Variants in PAK5 observed in about 807,000 individuals in gnomAD.
PAK5 encodes serine/threonine-protein kinase PAK 5.
Under a neutral mutation model 65.9 loss-of-function variants are expected in PAK5, and 16 were observed. The observed-to-expected ratio is 0.24, with a 90% CI of 0.16 to 0.37. The LOEUF is 0.37. Among genes scored for constraint, PAK5 ranks in the 10% least tolerant of loss-of-function variants. PAK5 has a pLI of 1.00. For missense variants in PAK5, 785 were observed against 903.9 expected, an observed-to-expected ratio of 0.87 and a Z score of 1.69; for synonymous variants, 371 against 354.9, an observed-to-expected ratio of 1.05 and a Z score of -0.51.
chr20:9,537,623 C>T lies in PAK5; in HGVS notation c.*1839G>A, dbSNP rs2045191759. Reference sequence around the variant, plus strand: ...TTTATTCTGGTTTAAAAAAGATTTTCTTTTTCTTTTCTTTCTACTTCTACA... The same window carrying T: ...TTTATTCTGGTTTAAAAAAGATTTTTTTTTTCTTTTCTTTCTACTTCTACA... On this transcript the variant is annotated 3_prime_UTR_variant, in exon 10 of 10. Transcript: ENST00000353224. The T allele has an allele frequency of 4.6e-6, 1 of 215,996 alleles. No individual in the cohort carries two copies. Among genetic ancestry groups the T allele is most frequent in the Admixed American group, 5.8e-5 (1 of 17,180 alleles). 13.4% of individuals were successfully genotyped at this position (215,996 alleles called of 1,614,324 possible).
At chr20:9,771,541 G>A (rs1007840688) in intron 1 of PAK5, among the ~76,000 whole-genome samples, 2 of 150,478 alleles carry the variant, frequency 1.3e-5, no homozygotes, top group East Asian at 4.0e-4. Context: ...CCAAGGAGCT[G>A]GGACTACAGG....
chr20:9,585,092 T>C (rs947719750), intron 3 of PAK5, among the ~76,000 whole-genome samples: 1 of 152,206 alleles, frequency 6.6e-6, no homozygotes, highest in Non-Finnish European at 1.5e-5. Context: ...TATATTAGAT[T>C]TTTTTCATAT....
chr20:9,572,893 G>T (rs1017935651), intron 4 of PAK5, among the ~76,000 whole-genome samples: 1 of 152,130 alleles, frequency 6.6e-6, no homozygotes, highest in Non-Finnish European at 1.5e-5. Flanking sequence ...TTTTCAGGGG[G>T]ATTTCCATAT....
intron 1 of PAK5, among the ~76,000 whole-genome samples, chr20:9,823,551 T>C (rs2049448408): frequency 6.6e-6 from 1 of 152,224 alleles, no homozygotes; most frequent in Non-Finnish European, 1.5e-5. Context: ...ACAATTAATC[T>C]TGCCTTCCGC....
At chr20:9,832,774 TAAC>T (rs1466412416) in intron 1 of PAK5, among the ~76,000 whole-genome samples, 1 of 152,242 alleles carries the variant, frequency 6.6e-6, no homozygotes, top group Non-Finnish European at 1.5e-5. Context: ...TTAATAGTAA[TAAC>T]ATTTATTAAA....
intron 3 of PAK5, among the ~76,000 whole-genome samples, chr20:9,595,734 A>G (rs1388539177): frequency 6.6e-5 from 10 of 152,138 alleles, no homozygotes; most frequent in Non-Finnish European, 1.3e-4. Flanking sequence ...TCTTGAAGAC[A>G]TCGTTCGCTA....
intron 7 of PAK5, among the ~76,000 whole-genome samples, chr20:9,549,911 T>C (rs1236267044): frequency 6.6e-6 from 1 of 152,176 alleles, no homozygotes; most frequent in African/African-American, 2.4e-5. Flanking sequence ...TCCCTCAAAC[T>C]AACCTTTGGA....
chr20:9,539,392 T>C lies in PAK5; in HGVS notation c.*70A>G. The C allele has an allele frequency of 6.8e-7, 1 of 1,474,540 alleles. No individual in the cohort carries two copies. Among genetic ancestry groups the C allele is most frequent in the Admixed American group, 1.7e-5 (1 of 58,422 alleles). The allele number at this position is 1,474,540 out of a possible 1,614,324, so 91.3% of individuals were successfully genotyped here. On this transcript the variant is annotated 3_prime_UTR_variant, in exon 10 of 10. Coordinates refer to ENST00000353224, the MANE Select transcript of PAK5 (RefSeq NM_177990.4). ...ATGCACAGGCCTTTTGCATGTTCTG[T>C]GTTTCCTTTTGTTCTCCTGAATTAT...
intron 1 of PAK5, among the ~76,000 whole-genome samples, chr20:9,729,323 G>C (rs1187412230): frequency 1.3e-5 from 2 of 152,090 alleles, no homozygotes; most frequent in African/African-American, 4.8e-5. Flanking sequence ...TAAAACTTCT[G>C]TTTGTAGTTT....
At chr20:9,703,446 GC>G (rs139147737) in intron 2 of PAK5, among the ~76,000 whole-genome samples, 3,791 of 152,216 alleles carry the variant, frequency 0.025, 160 homozygotes, top group African/African-American at 0.086. Flanking sequence ...GAACATCTGG[GC>G]CCCATCCTGT....
chr20:9,625,021 C>T (rs1485312094), intron 3 of PAK5, among the ~76,000 whole-genome samples: 3 of 152,150 alleles, frequency 2.0e-5, no homozygotes, highest in Non-Finnish European at 4.4e-5. Context: ...CTACAAGTAG[C>T]CATTCATGAA....
At chr20:9,727,146 C>CA (rs1391078291) in intron 1 of PAK5, among the ~76,000 whole-genome samples, 1 of 151,774 alleles carries the variant, frequency 6.6e-6, no homozygotes, top group African/African-American at 2.4e-5. Flanking sequence ...TTCTAATTGG[C>CA]AAAAAAATAC....
intron 3 of PAK5, among the ~76,000 whole-genome samples, chr20:9,601,870 T>C (rs2046365839): frequency 6.6e-6 from 1 of 152,110 alleles, no homozygotes. Context: ...CAGCCAACTC[T>C]AAGTGACCTG....
chr20:9,823,814 T>G (rs1206436630), intron 1 of PAK5, among the ~76,000 whole-genome samples: 1 of 135,754 alleles, frequency 7.4e-6, no homozygotes, highest in Non-Finnish European at 1.7e-5. Flanking sequence ...AAGGTCTGTT[T>G]CTGGGGGGGA....
At chr20:9,632,308 G>T (rs1321183680) in intron 3 of PAK5, among the ~76,000 whole-genome samples, 1 of 152,098 alleles carries the variant, frequency 6.6e-6, no homozygotes, top group Non-Finnish European at 1.5e-5. Flanking sequence ...TGATCTGGGG[G>T]GTATGCTGTT....
chr20:9,729,072 A>G (rs2048306981), intron 1 of PAK5, among the ~76,000 whole-genome samples: 1 of 152,048 alleles, frequency 6.6e-6, no homozygotes, highest in Non-Finnish European at 1.5e-5. Context: ...TTATTTCATA[A>G]AAATACAAAA....
chr20:9,799,276 C>A (rs369179844), intron 1 of PAK5, among the ~76,000 whole-genome samples: 15 of 152,276 alleles, frequency 9.9e-5, no homozygotes, highest in African/African-American at 3.6e-4. Flanking sequence ...GCTTACCCAA[C>A]AACTTTTTTC....
At chr20:9,611,277 A>ACTCTCTACT (rs2123145274) in intron 3 of PAK5, among the ~76,000 whole-genome samples, 1 of 151,936 alleles carries the variant, frequency 6.6e-6, no homozygotes, top group Admixed American at 6.5e-5. Context: ...TTCAGAATGA[A>ACTCTCTACT]CTCTCTACTC....
At chr20:9,721,711 T>C (rs2048217363) in intron 1 of PAK5, among the ~76,000 whole-genome samples, 1 of 145,800 alleles carries the variant, frequency 6.9e-6, no homozygotes, top group Non-Finnish European at 1.5e-5. Context: ...CAAAGCTTGC[T>C]ATCAAAGCCA....
Sources: allele counts gnomAD v4.1 joint callset (sites outside exome capture counted in the v4.1 genomes callset), GRCh38; gene constraint gnomAD v4.1.1; transcripts MANE v1.5; gene names NCBI Gene and HGNC (gene_info 2026-07-23, HGNC 2026-07-21).